ANKS1B: variants seen among roughly 807,000 people sequenced by gnomAD.
ANKS1B encodes the protein ankyrin repeat and sterile alpha motif domain containing 1B, also known as ankyrin repeat and sterile alpha motif domain-containing protein 1B.
A neutral mutation model predicts 148.3 loss-of-function variants in ANKS1B; 36 were observed. The observed-to-expected ratio is 0.24, with a 90% CI of 0.19 to 0.32. ANKS1B has a LOEUF of 0.32. Ranked by LOEUF, ANKS1B falls within the 10% of genes least tolerant of loss-of-function variation. The pLI is 1.00. For missense variants in ANKS1B, 1,157 were observed against 1,542.6 expected, an observed-to-expected ratio of 0.75 and a Z score of 4.19; for synonymous variants, 542 against 560.8, an observed-to-expected ratio of 0.97 and a Z score of 0.47.
In ANKS1B at chr12:99,632,767, A is replaced by ATATATATATATATATATATATT. The variant is rs1441486862; in HGVS notation, c.1272+22299_1272+22300insAATATATATATATATATATATA. ...TATATATATATATATATATATATATATTTTAATTATACTTTAAGTTCTAGG... is the reference window on the plus strand; with the variant it reads ...TATATATATATATATATATATATATATATATATATATATATATATATTTTTTAATTATACTTTAAGTTCTAGG... On this transcript the variant is annotated intron_variant, in intron 9 of 26. Transcript: ENST00000683438. 3.1e-4 allele frequency among the ~76,000 whole-genome samples: 22 copies of ATATATATATATATATATATATT among 71,314 alleles called. 1 individual carries two copies. Among genetic ancestry groups the ATATATATATATATATATATATT allele is most frequent in the South Asian group, 4.5e-4 (1 of 2,220 alleles). The allele number at this position is 71,314 out of a possible 152,430, so 46.8% of individuals were successfully genotyped here.
chr12:99,311,989 TG>T (rs1283381871), intron 12 of ANKS1B, among the ~76,000 whole-genome samples: 2 of 152,168 alleles, frequency 1.3e-5, no homozygotes, highest in African/African-American at 4.8e-5. Flanking sequence ...GAAAAAAGTA[TG>T]ATAGCGAGTT....
intron 14 of ANKS1B, among the ~76,000 whole-genome samples, chr12:99,197,510 C>T (rs78657485): frequency 1.3e-5 from 2 of 152,130 alleles, no homozygotes; most frequent in Admixed American, 6.6e-5. Context: ...AAAAGATACA[C>T]TGCAGATGTG....
intron 1 of ANKS1B, among the ~76,000 whole-genome samples, chr12:99,870,850 AT>A (rs1457946992): frequency 6.6e-6 from 1 of 151,914 alleles, no homozygotes; most frequent in African/African-American, 2.4e-5. Context: ...GCTTGTGAAT[AT>A]TTTCTCCCAT....
At chr12:99,766,620 A>G (rs192930269) in intron 8 of ANKS1B, among the ~76,000 whole-genome samples, 1 of 152,230 alleles carries the variant, frequency 6.6e-6, no homozygotes, top group Admixed American at 6.5e-5. Context: ...GAGATTTCCA[A>G]CCTTAGTTGA....
chr12:99,001,672 A>G lies in ANKS1B; in HGVS notation c.2778+51485T>C, dbSNP rs142108444. Among the ~76,000 whole-genome samples the G allele has an allele frequency of 3.3e-3, 503 of 152,338 alleles. 1 individual carries two copies. The highest frequency in any genetic ancestry group is 5.8e-3 in the Non-Finnish European group (397 of 68,034). On this transcript the variant is annotated intron_variant, in intron 17 of 26. Transcript: ENST00000683438. ...TGTGTGTGTGGTGAGAACATACAAT[A>G]TCTACTTTCTGAGCAAATTTCAAGC...
chr12:99,425,830 GTTTATA>G (rs918863767), intron 11 of ANKS1B, among the ~76,000 whole-genome samples: 2 of 148,958 alleles, frequency 1.3e-5, no homozygotes, highest in African/African-American at 4.9e-5. Flanking sequence ...CAGTTTCACT[GTTTATA>G]TTTATCTCTA....
intron 10 of ANKS1B, among the ~76,000 whole-genome samples, chr12:99,449,511 T>A (rs1329916069): frequency 6.6e-6 from 1 of 152,196 alleles, no homozygotes; most frequent in African/African-American, 2.4e-5. Context: ...GTTTCTTAAC[T>A]GTAAAAATGC....
At chr12:99,261,316 C>G (rs1289728080) in intron 12 of ANKS1B, among the ~76,000 whole-genome samples, 1 of 152,168 alleles carries the variant, frequency 6.6e-6, no homozygotes, top group Non-Finnish European at 1.5e-5. Flanking sequence ...AGGTACCACA[C>G]TCTTCTGGTT....
chr12:99,517,407 G>C (rs1175517069), intron 9 of ANKS1B, among the ~76,000 whole-genome samples: 3 of 151,908 alleles, frequency 2.0e-5, no homozygotes, highest in African/African-American at 7.3e-5. Context: ...TTTTGGTGGA[G>C]TCTTTAGGTT....
At chr12:99,675,417 A>C (rs1389240046) in intron 8 of ANKS1B, among the ~76,000 whole-genome samples, 4 of 151,984 alleles carry the variant, frequency 2.6e-5, no homozygotes, top group Non-Finnish European at 4.4e-5. Flanking sequence ...AATATGAAAA[A>C]TTGTCATTTT....
chr12:99,697,439 TAAAG>T (rs2054103140), intron 8 of ANKS1B, among the ~76,000 whole-genome samples: 1 of 151,810 alleles, frequency 6.6e-6, no homozygotes, highest in East Asian at 1.9e-4. Flanking sequence ...TGAAAAGACA[TAAAG>T]AAACCTTAAA....
chr12:99,054,825 G>C (rs576867704), intron 16 of ANKS1B, among the ~76,000 whole-genome samples: 1 of 152,314 alleles, frequency 6.6e-6, no homozygotes, highest in Non-Finnish European at 1.5e-5. Context: ...GGGATTACAG[G>C]CATGAGCCAC....
intron 17 of ANKS1B, among the ~76,000 whole-genome samples, chr12:98,935,158 G>A (rs583318): frequency 0.84 from 128,405 of 152,164 alleles, 54,816 homozygotes; most frequent in East Asian, 1. Context: ...ATTTCTTTCT[G>A]TTTCTAGTTT....
chr12:99,134,641 TCTCTCACACACACA>T (rs1414146375), intron 15 of ANKS1B, among the ~76,000 whole-genome samples: 4 of 81,702 alleles, frequency 4.9e-5, no homozygotes, highest in East Asian at 5.4e-4. Flanking sequence ...TCTCTCTCTC[TCTCTCACACACACA>T]CACACACACA....
rs538485454 is a variant in ANKS1B, at chr12:99,130,860, G to GCTATTTC, written c.2526+23422_2526+23428dup. On this transcript the variant is annotated intron_variant, in intron 15 of 26. Coordinates refer to ENST00000683438, the MANE Select transcript of ANKS1B (RefSeq NM_001352186.2). The stretch of plus-strand genomic sequence containing the variant: ...TGTGTCTTCATGCCCCTTGGTACAT[G>GCTATTTC]CTATTTCCTCTGCCCAGATATTCTT... Among the ~76,000 whole-genome samples, 40 of 152,196 alleles carry GCTATTTC rather than the reference G, an allele frequency of 2.6e-4. 1 individual carries two copies. The East Asian group carries it at 7.4e-3, about 28-fold the overall frequency.
chr12:98,996,581 G>A (rs2099929747), intron 17 of ANKS1B, among the ~76,000 whole-genome samples: 2 of 151,992 alleles, frequency 1.3e-5, no homozygotes, highest in South Asian at 2.1e-4. Context: ...TTGGGAGGTC[G>A]AGGCAGGTGG....
intron 17 of ANKS1B, among the ~76,000 whole-genome samples, chr12:98,972,298 T>C (rs1327433677): frequency 2.0e-5 from 3 of 152,238 alleles, no homozygotes; most frequent in Non-Finnish European, 4.4e-5. Flanking sequence ...ATCTCACTTG[T>C]TGCTTTTAAC....
At chr12:99,625,015 AT>A (rs879601556) in intron 9 of ANKS1B, among the ~76,000 whole-genome samples, 54 of 152,172 alleles carry the variant, frequency 3.5e-4, no homozygotes, top group African/African-American at 1.2e-3. Flanking sequence ...TCAATGGTAA[AT>A]TTGATAAATA....
chr12:99,094,542 G>T (rs954051086), intron 15 of ANKS1B, among the ~76,000 whole-genome samples: 7 of 152,200 alleles, frequency 4.6e-5, no homozygotes, highest in Admixed American at 2.0e-4. Context: ...GGTGAGGAAA[G>T]TCTCTCTGAG....
Sources: allele counts gnomAD v4.1 joint callset (sites outside exome capture counted in the v4.1 genomes callset), GRCh38; gene constraint gnomAD v4.1.1; transcripts MANE v1.5; gene names NCBI Gene and HGNC (gene_info 2026-07-23, HGNC 2026-07-21).